Variants in CTNNBL1 observed in about 807,000 individuals in gnomAD.
CTNNBL1 encodes catenin beta like 1.
A neutral mutation model predicts 72.7 loss-of-function variants in CTNNBL1; 31 were observed. The ratio of observed to expected loss-of-function variants is 0.43; its 90% CI spans 0.32 to 0.58. CTNNBL1 has a LOEUF of 0.58. Among genes scored for constraint, CTNNBL1 ranks in the 20% least tolerant of loss-of-function variants. The pLI is 0.08. For missense variants in CTNNBL1, 534 were observed against 725.1 expected, an observed-to-expected ratio of 0.74 and a Z score of 3.03; for synonymous variants, 240 against 267.3, an observed-to-expected ratio of 0.90 and a Z score of 1.00.
At chr20:37,834,199 T>C (rs1555832961) in intron 11 of CTNNBL1, among the ~76,000 whole-genome samples, 1 of 152,194 alleles carries the variant, frequency 6.6e-6, no homozygotes, top group Non-Finnish European at 1.5e-5. Context: ...TTACAGCTTC[T>C]GATACCCTCT....
At chr20:37,843,362 C>T (rs1250534462) in intron 13 of CTNNBL1, among the ~76,000 whole-genome samples, 3 of 152,150 alleles carry the variant, frequency 2.0e-5, no homozygotes, top group Non-Finnish European at 4.4e-5. Context: ...GTATAGCCCT[C>T]CCCACCTTCC....
chr20:37,734,441 G>A (rs369608470), intron 2 of CTNNBL1, among the ~76,000 whole-genome samples: 1 of 152,208 alleles, frequency 6.6e-6, no homozygotes, highest in Non-Finnish European at 1.5e-5. Context: ...TAGCCCTGCA[G>A]CAGCAGTTAA....
intron 10 of CTNNBL1, among the ~76,000 whole-genome samples, chr20:37,787,747 T>C (rs918891240): frequency 6.6e-5 from 10 of 152,262 alleles, no homozygotes; most frequent in Non-Finnish European, 1.5e-4. Flanking sequence ...CTGTTTGTTT[T>C]ATGGTTTCCT....
intron 11 of CTNNBL1, among the ~76,000 whole-genome samples, chr20:37,818,412 C>G (rs2072077980): frequency 6.6e-6 from 1 of 152,116 alleles, no homozygotes; most frequent in Non-Finnish European, 1.5e-5. Context: ...CCCAAGTGGA[C>G]AAGAAACAGA....
At position 37,859,707 on chromosome 20, in the gene CTNNBL1, T is replaced by C. The variant is rs548481669; in HGVS notation, c.1393-192T>C. Among the ~76,000 whole-genome samples the C allele has an allele frequency of 2.0e-5, 3 of 152,226 alleles. No homozygotes were observed. In the East Asian group the frequency reaches 5.8e-4, roughly 29 times the overall value. ...CTTTAAGCTTGCCTCCTGGGGCCTC[T>C]ATAGTCCATTAAGAATGAAGAACAT... On this transcript the variant is annotated intron_variant, in intron 13 of 15. Coordinates refer to ENST00000361383, the MANE Select transcript of CTNNBL1 (RefSeq NM_030877.5).
At chr20:37,791,544 G>A (rs989925218) in intron 10 of CTNNBL1, among the ~76,000 whole-genome samples, 2 of 152,066 alleles carry the variant, frequency 1.3e-5, no homozygotes, top group Non-Finnish European at 2.9e-5. Flanking sequence ...CCATTTTGGG[G>A]GTAAGGGGTT....
intron 7 of CTNNBL1, among the ~76,000 whole-genome samples, chr20:37,773,909 C>CTTTTTTTTTTTTTTTTTTTTTTTTTTTT (rs1176688817): frequency 9.6e-6 from 1 of 104,646 alleles, no homozygotes; most frequent in African/African-American, 4.3e-5. Flanking sequence ...TTCTTTCTCT[C>CTTTTTTTTTTTTTTTTTTTTTTTTTTTT]TTTTTTTTTT....
chr20:37,808,282 C>T (rs1021961530), intron 11 of CTNNBL1, among the ~76,000 whole-genome samples: 3 of 152,216 alleles, frequency 2.0e-5, no homozygotes, highest in African/African-American at 7.2e-5. Flanking sequence ...TGTGTATCTT[C>T]CTAACAGTGA....
rs373840043 is a variant in CTNNBL1, at chr20:37,779,303, C to G, written c.999C>G (p.Gly333=). 1 of 1,613,678 alleles carries G rather than the reference C, an allele frequency of 6.2e-7. No homozygotes were observed. Among genetic ancestry groups the G allele is most frequent in the South Asian group, 1.1e-5 (1 of 91,040 alleles). Residue 333 remains glycine (G), a synonymous_variant, in exon 10 of 16, where the codon GGC becomes GGG. Transcript: ENST00000361383. ...LSSNRERFLK[G]EGLQLMNLML... Reference sequence around the variant, plus strand: ...CCAATCGTGAGCGCTTCCTGAAGGGCGAGGGTCTTCAGCTGATGAATCTCA... The same window carrying G: ...CCAATCGTGAGCGCTTCCTGAAGGGGGAGGGTCTTCAGCTGATGAATCTCA...
chr20:37,808,617 C>T (rs1600501210), intron 11 of CTNNBL1, among the ~76,000 whole-genome samples: 3 of 152,266 alleles, frequency 2.0e-5, no homozygotes, highest in Admixed American at 2.0e-4. Context: ...GGCCCTCAGG[C>T]ATTCGTTTTT....
intron 1 of CTNNBL1, among the ~76,000 whole-genome samples, chr20:37,714,560 T>C (rs895685995): frequency 2.6e-5 from 4 of 152,386 alleles, no homozygotes; most frequent in Non-Finnish European, 5.9e-5. Context: ...AATCTGACAG[T>C]TGACTGGCAT....
chr20:37,730,506 T>C (rs962691552), intron 1 of CTNNBL1, among the ~76,000 whole-genome samples: 3 of 152,106 alleles, frequency 2.0e-5, no homozygotes, highest in Non-Finnish European at 4.4e-5. Flanking sequence ...TTTAGAGAGG[T>C]AGGTGATGGG....
intron 7 of CTNNBL1, among the ~76,000 whole-genome samples, chr20:37,773,753 A>T (rs2073546401): frequency 6.6e-6 from 1 of 152,128 alleles, no homozygotes; most frequent in South Asian, 2.1e-4. Flanking sequence ...TTTCTACCAG[A>T]TTAAAACATT....
intron 1 of CTNNBL1, among the ~76,000 whole-genome samples, chr20:37,705,019 A>G (rs2072873774): frequency 6.6e-6 from 1 of 152,240 alleles, no homozygotes; most frequent in African/African-American, 2.4e-5. Context: ...AAGTTTTCGT[A>G]TATAAAAATG....
chr20:37,814,748 G>A (rs1028156870), intron 11 of CTNNBL1, among the ~76,000 whole-genome samples: 22 of 152,172 alleles, frequency 1.4e-4, no homozygotes, highest in South Asian at 6.2e-4. Flanking sequence ...GAAAAAAAAC[G>A]GAGTAGGGGC....
chr20:37,818,185 C>T (rs2072075925), intron 11 of CTNNBL1, among the ~76,000 whole-genome samples: 1 of 152,200 alleles, frequency 6.6e-6, no homozygotes, highest in Non-Finnish European at 1.5e-5. Flanking sequence ...ACCTGTTGAA[C>T]ACTTAATGAT....
At chr20:37,859,602 CTTGT>C (rs1428130049) in intron 13 of CTNNBL1, among the ~76,000 whole-genome samples, 3 of 63,890 alleles carry the variant, frequency 4.7e-5, no homozygotes, top group Non-Finnish European at 8.8e-5. Flanking sequence ...GTCCCGTCAG[CTTGT>C]TTTTTTTTTT....
chr20:37,849,541 T>G (rs2072377657), intron 13 of CTNNBL1, among the ~76,000 whole-genome samples: 1 of 152,232 alleles, frequency 6.6e-6, no homozygotes, highest in Non-Finnish European at 1.5e-5. Flanking sequence ...CTTTTCCACA[T>G]CCCTTTCATG....
intron 5 of CTNNBL1, 117 bp from the exon 6 acceptor site, chr20:37,765,080 G>A (rs934853476): frequency 1.4e-6 from 1 of 711,584 alleles, no homozygotes; most frequent in Non-Finnish European, 2.5e-6. Context: ...ACCATAGATT[G>A]CTGCTTATTT....
Sources: gnomAD v4.1 joint callset for allele counts (sites outside exome capture counted in the v4.1 genomes callset) on GRCh38, gnomAD v4.1.1 for gene constraint, MANE v1.5 for transcripts, NCBI Gene and HGNC (gene_info 2026-07-23, HGNC 2026-07-21) for gene names.